Variants in PTPRD observed in about 807,000 individuals in gnomAD.
The protein encoded by PTPRD is protein tyrosine phosphatase receptor type D.
In PTPRD, 34 loss-of-function variants were observed where a neutral mutation model predicts 214.5. That is an observed-to-expected ratio of 0.16 (90% CI 0.12 to 0.21). PTPRD has a LOEUF of 0.21. PTPRD is among the 10% of genes least tolerant of loss of function. The probability of loss-of-function intolerance (pLI) is 1.00; values close to 1 mark genes in which losing one functional copy is unlikely to be tolerated. For synonymous variants in PTPRD, 1,128 were observed against 845.7 expected, an observed-to-expected ratio of 1.33 and a Z score of -5.79; for missense variants, 2,545 against 2,398.7, an observed-to-expected ratio of 1.06 and a Z score of -1.27.
chr9:9,124,859 G>A (rs1482201397), intron 10 of PTPRD, among the ~76,000 whole-genome samples: 2 of 152,142 alleles, frequency 1.3e-5, no homozygotes, highest in Non-Finnish European at 2.9e-5. Context: ...TAAAATTGTT[G>A]CAAAAGTTGC....
chr9:9,974,130 G>A (rs1420793147), intron 4 of PTPRD, among the ~76,000 whole-genome samples: 1 of 152,152 alleles, frequency 6.6e-6, no homozygotes, highest in Non-Finnish European at 1.5e-5. Flanking sequence ...CAGAATAAAT[G>A]GAGAAGCCAT....
intron 10 of PTPRD, among the ~76,000 whole-genome samples, chr9:9,058,366 T>C (rs548362507): frequency 4.8e-4 from 72 of 150,934 alleles, no homozygotes; most frequent in African/African-American, 1.7e-3. Context: ...CTGGACTGGC[T>C]AAATCCCCTG....
intron 2 of PTPRD, among the ~76,000 whole-genome samples, chr9:10,547,276 T>C (rs755988628): frequency 4.6e-5 from 7 of 152,108 alleles, no homozygotes; most frequent in African/African-American, 9.7e-5. Flanking sequence ...TATTGATTTA[T>C]AGAATGTAGT....
chr9:9,677,451 G>A (rs966220434), intron 7 of PTPRD, among the ~76,000 whole-genome samples: 1 of 152,084 alleles, frequency 6.6e-6, no homozygotes, highest in African/African-American at 2.4e-5. Flanking sequence ...CATATAAACA[G>A]AACCAATGAC....
intron 8 of PTPRD, among the ~76,000 whole-genome samples, chr9:9,461,613 A>G (rs1021518709): frequency 2.6e-5 from 4 of 152,146 alleles, no homozygotes; most frequent in Admixed American, 2.6e-4. Context: ...GGGTCTATTC[A>G]GGAAAATGCC....
At chr9:10,386,233 C>T (rs757426303) in intron 2 of PTPRD, among the ~76,000 whole-genome samples, 17 of 151,928 alleles carry the variant, frequency 1.1e-4, no homozygotes, top group South Asian at 6.2e-4. Context: ...CCAACACACA[C>T]GTACAGAAAG....
intron 3 of PTPRD, among the ~76,000 whole-genome samples, chr9:10,172,601 C>T (rs1387074684): frequency 6.6e-6 from 1 of 152,128 alleles, no homozygotes; most frequent in African/African-American, 2.4e-5. Context: ...GGCTGGTTAA[C>T]CTATTCATAG....
At chr9:8,939,597 T>C (rs2099018854) in intron 11 of PTPRD, among the ~76,000 whole-genome samples, 1 of 152,036 alleles carries the variant, frequency 6.6e-6, no homozygotes, top group African/African-American at 2.4e-5. Context: ...ACACATCAGC[T>C]TATTTCCAAA....
intron 8 of PTPRD, among the ~76,000 whole-genome samples, chr9:9,500,739 CT>C (rs1408606226): frequency 2.0e-5 from 3 of 151,928 alleles, no homozygotes; most frequent in Non-Finnish European, 2.9e-5. Flanking sequence ...ATATAGAAGA[CT>C]TTTTTTTCTA....
chr9:8,565,637 T>C (rs949969928), intron 14 of PTPRD, among the ~76,000 whole-genome samples: 2 of 151,982 alleles, frequency 1.3e-5, no homozygotes, highest in African/African-American at 4.8e-5. Context: ...AAAGAGCACA[T>C]CTAAAATGGA....
rs185958986 is a variant in PTPRD at position 9,020,046 on chromosome 9, G to A, written c.-142-1311C>T. Reference sequence around the variant, plus strand: ...TCAGTGGTGCTCTGCAGACATGGGAGGAGAAGAGAAGAGGGAGGTATTAAA... The same window carrying A: ...TCAGTGGTGCTCTGCAGACATGGGAAGAGAAGAGAAGAGGGAGGTATTAAA... On this transcript the variant is annotated intron_variant, in intron 10 of 45. Transcript: ENST00000381196. Among the ~76,000 whole-genome samples, 175 of 152,172 alleles carry A rather than the reference G, an allele frequency of 1.2e-3. No individual in the cohort carries two copies. In the Middle Eastern group the frequency reaches 0.024, roughly 21 times the overall value.
intron 14 of PTPRD, among the ~76,000 whole-genome samples, chr9:8,592,312 A>G (rs575106356): frequency 6.6e-6 from 1 of 152,246 alleles, no homozygotes; most frequent in East Asian, 1.9e-4. Flanking sequence ...CATGTAAAAT[A>G]TCCTTTCCGC....
At chr9:8,430,820 CT>C (rs2094997175) in intron 35 of PTPRD, among the ~76,000 whole-genome samples, 1 of 152,100 alleles carries the variant, frequency 6.6e-6, no homozygotes, top group African/African-American at 2.4e-5. Flanking sequence ...GCCATCTTCT[CT>C]TCAATACCTT....
At chr9:8,672,509 T>C (rs917415903) in intron 12 of PTPRD, among the ~76,000 whole-genome samples, 2 of 152,154 alleles carry the variant, frequency 1.3e-5, no homozygotes, top group African/African-American at 4.8e-5. Flanking sequence ...AGTGACATGC[T>C]AGGGTTCCTT....
chr9:8,598,387 G>C (rs1340207423), intron 14 of PTPRD, among the ~76,000 whole-genome samples: 2 of 151,974 alleles, frequency 1.3e-5, no homozygotes, highest in Admixed American at 1.3e-4. Flanking sequence ...CTTAAACCCA[G>C]GAGGCAGAGG....
intron 39 of PTPRD, among the ~76,000 whole-genome samples, chr9:8,365,830 A>G (rs2079713891): frequency 6.6e-6 from 1 of 152,230 alleles, no homozygotes; most frequent in Non-Finnish European, 1.5e-5. Context: ...GGGGAGAAAG[A>G]GAGACCCCAT....
chr9:9,251,598 T>G (rs1367508968), intron 9 of PTPRD, among the ~76,000 whole-genome samples: 2 of 152,108 alleles, frequency 1.3e-5, no homozygotes, highest in African/African-American at 4.8e-5. Flanking sequence ...TATTTTTTCA[T>G]TACAGACTTT....
chr9:8,964,879 T>A (rs2099183149), intron 11 of PTPRD, among the ~76,000 whole-genome samples: 1 of 152,134 alleles, frequency 6.6e-6, no homozygotes, highest in Non-Finnish European at 1.5e-5. Context: ...TGGTATTGAT[T>A]TCTATTTTTA....
At chr9:8,857,727 C>G (rs1382363690) in intron 11 of PTPRD, 2 of 156,068 alleles carry the variant, frequency 1.3e-5, no homozygotes, top group African/African-American at 4.8e-5. Flanking sequence ...CCGCCACGGC[C>G]GCGCCGCCGC....
Sources: gnomAD v4.1 joint callset for allele counts (sites outside exome capture counted in the v4.1 genomes callset) on GRCh38, gnomAD v4.1.1 for gene constraint, MANE v1.5 for transcripts, NCBI Gene and HGNC (gene_info 2026-07-23, HGNC 2026-07-21) for gene names.